TLN2: variants seen among roughly 807,000 people sequenced by gnomAD.
The protein encoded by TLN2 is talin 2.
TLN2 carries 118 observed loss-of-function variants against 294.7 expected under a neutral mutation model. The ratio of observed to expected loss-of-function variants is 0.40; its 90% confidence interval spans 0.34 to 0.47. The LOEUF (loss-of-function observed/expected upper bound fraction) is 0.47, where lower values mean the gene tolerates loss of function less well. TLN2 is among the 20% of genes least tolerant of loss of function. TLN2 has a pLI of 0.84. For synonymous variants in TLN2, 1,431 were observed against 1,304.5 expected (o/e 1.10, Z -2.09); for missense variants, 3,083 against 3,282.2 (o/e 0.94, Z 1.48).
intron 1 of TLN2, among the ~76,000 whole-genome samples, chr15:62,531,256 T>G (rs925263222): frequency 1.3e-5 from 2 of 152,162 alleles, no homozygotes; most frequent in Admixed American, 6.5e-5. Flanking sequence ...AAAAAGAAAT[T>G]TGTCATTTGC....
At chr15:62,771,345 A>G (rs1269166736) in intron 42 of TLN2, among the ~76,000 whole-genome samples, 1 of 152,234 alleles carries the variant, frequency 6.6e-6, no homozygotes, top group Non-Finnish European at 1.5e-5. Context: ...TTTTCTTGAC[A>G]GAATGTGTAG....
At chr15:62,469,493 G>A (rs993116402) in intron 1 of TLN2, among the ~76,000 whole-genome samples, 1 of 152,186 alleles carries the variant, frequency 6.6e-6, no homozygotes, top group Non-Finnish European at 1.5e-5. Flanking sequence ...TTTTTAAATT[G>A]GCCCCAGAGG....
chr15:62,622,103 C>T (rs1167550408), intron 3 of TLN2, among the ~76,000 whole-genome samples: 4 of 152,050 alleles, frequency 2.6e-5, no homozygotes, highest in Non-Finnish European at 4.4e-5. Context: ...GGTGTGTTTG[C>T]AAAGGGAAAC....
chr15:62,557,987 A>C (rs575257761), intron 1 of TLN2, among the ~76,000 whole-genome samples: 3 of 152,366 alleles, frequency 2.0e-5, no homozygotes, highest in Admixed American at 2.0e-4. Flanking sequence ...AGGGTTGTAC[A>C]GCTCCTGATC....
At chr15:62,450,561 GTGTGTGTGTGTGT>G (rs2036067337) in intron 1 of TLN2, among the ~76,000 whole-genome samples, 2 of 151,000 alleles carry the variant, frequency 1.3e-5, no homozygotes, top group African/African-American at 2.4e-5. Flanking sequence ...GTGTGTGTGT[GTGTGTGTGTGTGT>G]CTGTGTGTGT....
rs987070591 is a variant in TLN2 at position 62,841,635 on chromosome 15, A to G, written c.*1025A>G. The stretch of plus-strand genomic sequence containing the variant: ...CCAGAAAATCTAAATGCATCCTAAA[A>G]TCAATGTGAACCTTTAACAAGATAG... On this transcript the variant is annotated 3_prime_UTR_variant, in exon 59 of 59. Transcript: ENST00000636159. 2.6e-5 allele frequency: 4 copies of G among 152,142 alleles called. No homozygotes were observed. Among genetic ancestry groups the G allele is most frequent in the African/African-American group, 9.7e-5 (4 of 41,408 alleles). 9.4% of individuals were successfully genotyped at this position (152,142 alleles called of 1,614,324 possible).
chr15:62,595,928 G>C (rs1163810968), intron 2 of TLN2, among the ~76,000 whole-genome samples: 1 of 152,180 alleles, frequency 6.6e-6, no homozygotes, highest in Non-Finnish European at 1.5e-5. Flanking sequence ...ATTTCAGTTA[G>C]ATATAAAGAA....
chr15:62,593,011 G>T (rs2046205071), intron 2 of TLN2, among the ~76,000 whole-genome samples: 1 of 152,142 alleles, frequency 6.6e-6, no homozygotes, highest in African/African-American at 2.4e-5. Flanking sequence ...TATTTTCAAT[G>T]AAAAATATTG....
intron 1 of TLN2, among the ~76,000 whole-genome samples, chr15:62,496,601 T>A (rs2140420079): frequency 6.6e-6 from 1 of 152,290 alleles, no homozygotes; most frequent in African/African-American, 2.4e-5. Flanking sequence ...GTTTAAAGGA[T>A]GGAGAAGCCC....
chr15:62,750,350 C>A (rs1263056451), intron 33 of TLN2, 52 bp from the exon 34 acceptor site: 4 of 1,490,528 alleles, frequency 2.7e-6, no homozygotes, highest in Admixed American at 3.3e-5. Flanking sequence ...TGTTGAATTT[C>A]TTTTGCTCTA....
chr15:62,412,376 A>G (rs772271769), intron 1 of TLN2, among the ~76,000 whole-genome samples: 67 of 152,292 alleles, frequency 4.4e-4, no homozygotes, highest in Non-Finnish European at 8.2e-4. Context: ...TCTGGCTCCA[A>G]ATTGAGTGCT....
intron 52 of TLN2, among the ~76,000 whole-genome samples, chr15:62,814,778 G>A (rs1844412740): frequency 6.6e-6 from 1 of 152,198 alleles, no homozygotes; most frequent in Admixed American, 6.5e-5. Flanking sequence ...TGGTGACATA[G>A]GTCATTGTCT....
intron 37 of TLN2, among the ~76,000 whole-genome samples, chr15:62,758,316 A>T (rs1336966348): frequency 6.6e-6 from 1 of 152,202 alleles, no homozygotes; most frequent in Non-Finnish European, 1.5e-5. Flanking sequence ...CCTGCCAGGG[A>T]TGGCTGTAAA....
At chr15:62,545,208 G>A (rs746258860) in intron 1 of TLN2, among the ~76,000 whole-genome samples, 25 of 152,202 alleles carry the variant, frequency 1.6e-4, no homozygotes, top group Non-Finnish European at 2.4e-4. Flanking sequence ...GGAGTGCTGG[G>A]ATTACAGGCG....
chr15:62,743,646 C>T (rs1284844467), intron 32 of TLN2, among the ~76,000 whole-genome samples: 2 of 152,096 alleles, frequency 1.3e-5, no homozygotes, highest in Non-Finnish European at 2.9e-5. Context: ...CAGCCTTTTT[C>T]CCCCAACCAG....
chr15:62,583,283 A>C (rs2045295735), intron 1 of TLN2, among the ~76,000 whole-genome samples: 1 of 152,222 alleles, frequency 6.6e-6, no homozygotes, highest in South Asian at 2.1e-4. Flanking sequence ...TTTCTGAAAA[A>C]TGAATGCATT....
chr15:62,585,311 T>C (rs1407100063), intron 1 of TLN2, among the ~76,000 whole-genome samples: 4 of 152,234 alleles, frequency 2.6e-5, no homozygotes, highest in African/African-American at 9.6e-5. Context: ...GTTGAGATGA[T>C]AATATTAGGT....
chr15:62,709,670 C>G (rs941219469), intron 21 of TLN2, among the ~76,000 whole-genome samples: 2 of 152,184 alleles, frequency 1.3e-5, no homozygotes, highest in Non-Finnish European at 2.9e-5. Context: ...ACTGTGCCAT[C>G]AAAATTCCCG....
intron 1 of TLN2, among the ~76,000 whole-genome samples, chr15:62,401,052 G>A (rs1334299844): frequency 6.6e-6 from 1 of 152,106 alleles, no homozygotes; most frequent in Non-Finnish European, 1.5e-5. Flanking sequence ...CTGAGCTCAA[G>A]TGATCTGCCT....
Sources: allele counts gnomAD v4.1 joint callset (sites outside exome capture counted in the v4.1 genomes callset), GRCh38; gene constraint gnomAD v4.1.1; transcripts MANE v1.5; gene names NCBI Gene and HGNC (gene_info 2026-07-23, HGNC 2026-07-21).